Variants in PADI3 observed in about 807,000 individuals in gnomAD.
PADI3 encodes protein-arginine deiminase type-3.
A neutral mutation model predicts 71.5 loss-of-function variants in PADI3; 53 were observed. The observed-to-expected ratio is 0.74, with a 90% CI of 0.59 to 0.93. The LOEUF (loss-of-function observed/expected upper bound fraction) is 0.93, where lower values mean the gene tolerates loss of function less well. Ranked by LOEUF, PADI3 falls within the 40% of genes least tolerant of loss-of-function variation. The pLI is 0.00. For missense variants in PADI3, 821 were observed against 868.0 expected (o/e 0.95, Z 0.68); for synonymous variants, 361 against 347.5 (o/e 1.04, Z -0.43).
chr1:17,268,759 G>A lies in PADI3; in HGVS notation c.652+797G>A, dbSNP rs939130555. Among the ~76,000 whole-genome samples, 8 of 151,960 alleles carry A rather than the reference G, an allele frequency of 5.3e-5. No individual in the cohort carries two copies. In the East Asian group the frequency reaches 1.4e-3, roughly 26 times the overall value. ...CCTGACCTTGTGATCTGCCCGCCTCGGCCTCCCAAAGTGCTGGGATTATAG... is the reference window on the plus strand; with the variant it reads ...CCTGACCTTGTGATCTGCCCGCCTCAGCCTCCCAAAGTGCTGGGATTATAG... On this transcript the variant is annotated intron_variant, in intron 6 of 15. Transcript: ENST00000375460.
intron 13 of PADI3, 82 bp downstream of exon 13, chr1:17,276,958 G>A (rs139378764): frequency 0.012 from 14,317 of 1,224,314 alleles, 93 homozygotes; most frequent in Non-Finnish European, 0.013. Flanking sequence ...GAGAGGGGGA[G>A]GGCAAGTTTT....
At chr1:17,275,662 G>C (rs1423114478) in intron 11 of PADI3, among the ~76,000 whole-genome samples, 1 of 152,170 alleles carries the variant, frequency 6.6e-6, no homozygotes, top group African/African-American at 2.4e-5. Flanking sequence ...TGACACAGGG[G>C]TGCTGATGGA....
At chr1:17,269,076 G>A (rs1226916851) in intron 6 of PADI3, among the ~76,000 whole-genome samples, 1 of 151,554 alleles carries the variant, frequency 6.6e-6, no homozygotes, top group African/African-American at 2.4e-5. Context: ...GTAAAGACAG[G>A]GTTTCACCAT....
chr1:17,255,946 G>A lies in PADI3; in HGVS notation c.93-3632G>A, dbSNP rs2073021650. 2.6e-5 allele frequency among the ~76,000 whole-genome samples: 4 copies of A among 152,234 alleles called. No homozygotes were observed. The South Asian group carries it at 8.3e-4, about 32-fold the overall frequency. On this transcript the variant is annotated intron_variant, in intron 1 of 15. Coordinates refer to ENST00000375460, the MANE Select transcript of PADI3 (RefSeq NM_016233.2). ...ACCACAGGCTCAAGTACCTTGCCAC[G>A]GCTCCATCATGTTGCCCCTCCTGAT...
At chr1:17,282,226 G>C (rs1284650399) in intron 15 of PADI3, among the ~76,000 whole-genome samples, 1 of 152,174 alleles carries the variant, frequency 6.6e-6, no homozygotes, top group African/African-American at 2.4e-5. Flanking sequence ...CAGCCAGAGG[G>C]AGTCTTAATA....
At chr1:17,279,347 AATGGG>A (rs2073373018) in intron 13 of PADI3, among the ~76,000 whole-genome samples, 1 of 152,200 alleles carries the variant, frequency 6.6e-6, no homozygotes, top group Non-Finnish European at 1.5e-5. Context: ...CGAGAGATCA[AATGGG>A]ATGACTCTCA....
chr1:17,255,557 C>T (rs1285267458), intron 1 of PADI3, among the ~76,000 whole-genome samples: 2 of 152,210 alleles, frequency 1.3e-5, no homozygotes, highest in Non-Finnish European at 1.5e-5. Flanking sequence ...CCAGGTACTT[C>T]CCCTGTTCTC....
rs140529865 is a variant in PADI3, at chr1:17,271,167, C to G, written c.1036C>G (p.Arg346Gly). 20 of 1,612,746 alleles carry G rather than the reference C, an allele frequency of 1.2e-5. No individual in the cohort carries two copies. Among genetic ancestry groups the G allele is most frequent in the Non-Finnish European group, 1.7e-5 (20 of 1,179,900 alleles). The change falls in exon 9 of 16, where the codon CGC (arginine) becomes GGC (glycine). Residue 346 changes from arginine (R) to glycine (G), a missense_variant. Arg to Gly is a moderately radical substitution (Grantham distance 125, BLOSUM62 -2). Transcript: ENST00000375460. ...CCCACAGGCCGAGAACCGCAACGAC[C>G]GCTGGATCCAGGTAACCACAGCCAC... ...ICPQAENRND[R>G]WIQDEMELGY...
chr1:17,264,330 GTACA>G (rs955981607), intron 3 of PADI3, among the ~76,000 whole-genome samples: 1 of 112,138 alleles, frequency 8.9e-6, no homozygotes, highest in African/African-American at 3.4e-5. Flanking sequence ...TAAAGCATAT[GTACA>G]CACACACACA....
chr1:17,264,142 A>G (rs1475580873), intron 3 of PADI3, among the ~76,000 whole-genome samples: 1 of 152,224 alleles, frequency 6.6e-6, no homozygotes, highest in African/African-American at 2.4e-5. Flanking sequence ...CTGCATTAGC[A>G]ACTTTTTCCC....
intron 1 of PADI3, among the ~76,000 whole-genome samples, chr1:17,250,309 T>G (rs2072950099): frequency 1.3e-5 from 2 of 152,136 alleles, no homozygotes; most frequent in Admixed American, 6.5e-5. Context: ...CCCTGTGCAC[T>G]GTAGGATGGA....
At chr1:17,276,369 ATATT>A (rs2073330178) in intron 11 of PADI3, 146 bp from the exon 12 acceptor site, 1 of 692,600 alleles carries the variant, frequency 1.4e-6, no homozygotes, top group Non-Finnish European at 2.5e-6. Context: ...TGAAATATAC[ATATT>A]TATTACTTTC....
rs775848586 is a variant in PADI3, at chr1:17,271,222, G to A, written c.1047+44G>A. On this transcript the variant is annotated intron_variant, in intron 9 of 15. Coordinates refer to ENST00000375460, the MANE Select transcript of PADI3 (RefSeq NM_016233.2). Reference sequence around the variant, plus strand: ...CAGGGCCCAGCAAGGACGCCATCCTGGAGAGAGAGGCCTTCATTTGGGGGC... The same window carrying A: ...CAGGGCCCAGCAAGGACGCCATCCTAGAGAGAGAGGCCTTCATTTGGGGGC... 2.6e-6 allele frequency: 4 copies of A among 1,528,492 alleles called. No individual in the cohort carries two copies. The East Asian group carries it at 9.1e-5, about 35-fold the overall frequency. 94.7% of individuals were successfully genotyped at this position (1,528,492 alleles called of 1,614,324 possible).
chr1:17,277,149 G>T (rs2073345058), intron 13 of PADI3, among the ~76,000 whole-genome samples: 1 of 152,138 alleles, frequency 6.6e-6, no homozygotes, highest in Middle Eastern at 3.2e-3. Flanking sequence ...TGCAGTCACG[G>T]CGTGGAGCTT....
rs1332867857 is a variant in PADI3 at position 17,283,066 on chromosome 1, A to T, written c.1982A>T (p.Asn661Ile). 1.2e-6 allele frequency: 2 copies of T among 1,613,924 alleles called. No homozygotes were observed. Among genetic ancestry groups the T allele is most frequent in the Non-Finnish European group, 8.5e-7 (1 of 1,179,806 alleles). Residue 661 changes from asparagine to isoleucine, a missense_variant, in exon 16 of 16, where the codon AAC becomes ATC. Transcript: ENST00000375460. ...AAGCCCTTCTCTTTCAAGTGGTGGA[A>T]CATGGTGCCCTGAGACAGCTCCCAC... ...CRKPFSFKWW[N>I]MVP is the part of the protein sequence containing the mutation.
In PADI3 at chr1:17,278,145, G is replaced by A. The variant is rs1290085194; in HGVS notation, c.1555+1269G>A. On this transcript the variant is annotated intron_variant, in intron 13 of 15. Coordinates refer to ENST00000375460, the MANE Select transcript of PADI3 (RefSeq NM_016233.2). Reference sequence around the variant, plus strand: ...AATAAAAACCACCCTGACAAGTCAGGAGAGAGACTCGGGGACAAAGAAACA... The same window carrying A: ...AATAAAAACCACCCTGACAAGTCAGAAGAGAGACTCGGGGACAAAGAAACA... Among the ~76,000 whole-genome samples, 5 of 152,358 alleles carry A rather than the reference G, an allele frequency of 3.3e-5. No individual in the cohort carries two copies. The East Asian group carries it at 9.6e-4, about 29-fold the overall frequency.
chr1:17,280,927 G>T (rs917316479), intron 15 of PADI3, 131 bp downstream of exon 15: 3 of 1,139,682 alleles, frequency 2.6e-6, no homozygotes, highest in African/African-American at 3.1e-5. Flanking sequence ...AGAATCAGGG[G>T]TCCTATGGTG....
At chr1:17,266,629 G>T in intron 4 of PADI3, 90 bp from the exon 5 acceptor site, 1 of 983,874 alleles carries the variant, frequency 1.0e-6, no homozygotes, top group Non-Finnish European at 1.6e-6. Context: ...TCACAGGGTT[G>T]GGTGGTTACA....
At chr1:17,267,252 A>C (rs2073182392) in intron 5 of PADI3, among the ~76,000 whole-genome samples, 2 of 152,180 alleles carry the variant, frequency 1.3e-5, no homozygotes, top group Non-Finnish European at 2.9e-5. Context: ...ACTGTGTCTG[A>C]TCTGGGGCCT....
Sources: allele counts gnomAD v4.1 joint callset (sites outside exome capture counted in the v4.1 genomes callset), GRCh38; gene constraint gnomAD v4.1.1; transcripts MANE v1.5; gene names NCBI Gene and HGNC (gene_info 2026-07-23, HGNC 2026-07-21).